Variants in BMP7 observed in about 807,000 individuals in gnomAD.
BMP7 encodes the protein osteogenic protein 1.
A neutral mutation model predicts 41.2 loss-of-function variants in BMP7; 12 were observed. The observed-to-expected ratio is 0.29, with a 90% CI of 0.19 to 0.47. The LOEUF (loss-of-function observed/expected upper bound fraction) is 0.47, where lower values mean the gene tolerates loss of function less well. Among genes scored for constraint, BMP7 ranks in the 20% least tolerant of loss-of-function variants. BMP7 has a pLI of 0.99. For synonymous variants in BMP7, 248 were observed against 250.0 expected, an observed-to-expected ratio of 0.99 and a Z score of 0.07; for missense variants, 467 against 606.0, an observed-to-expected ratio of 0.77 and a Z score of 2.41.
intron 3 of BMP7, among the ~76,000 whole-genome samples, chr20:57,193,231 A>G (rs1984418738): frequency 6.6e-6 from 1 of 152,236 alleles, no homozygotes; most frequent in Non-Finnish European, 1.5e-5. Flanking sequence ...TCCACGCCAC[A>G]AAGAACTCTC....
chr20:57,191,967 ATATAG>A (rs1984370080), intron 3 of BMP7, among the ~76,000 whole-genome samples: 2 of 127,540 alleles, frequency 1.6e-5, no homozygotes, highest in South Asian at 2.3e-4. Flanking sequence ...ATACCACATA[ATATAG>A]TATATTATAT....
At chr20:57,185,061 C>A (rs1373819028) in intron 3 of BMP7, among the ~76,000 whole-genome samples, 1 of 152,114 alleles carries the variant, frequency 6.6e-6, no homozygotes, top group Non-Finnish European at 1.5e-5. Flanking sequence ...ACTCAGGCTG[C>A]CCCTGGAGAG....
intron 1 of BMP7, among the ~76,000 whole-genome samples, chr20:57,245,400 G>A (rs553128123): frequency 6.6e-6 from 1 of 152,170 alleles, no homozygotes; most frequent in South Asian, 2.1e-4. Flanking sequence ...CAACTGGAGT[G>A]CAGTGATGTA....
intron 1 of BMP7, among the ~76,000 whole-genome samples, chr20:57,235,794 G>T (rs1357038911): frequency 2.0e-5 from 3 of 152,172 alleles, no homozygotes; most frequent in Admixed American, 2.0e-4. Flanking sequence ...TCAAGCTAAG[G>T]GGTTGATCAT....
chr20:57,178,583 A>G (rs893866623), intron 4 of BMP7, among the ~76,000 whole-genome samples: 1 of 152,114 alleles, frequency 6.6e-6, no homozygotes, highest in Admixed American at 6.5e-5. Context: ...TGGACTCTAC[A>G]GCCTGCCCTC....
chr20:57,189,584 C>T (rs928341722), intron 3 of BMP7, among the ~76,000 whole-genome samples: 2 of 152,182 alleles, frequency 1.3e-5, no homozygotes, highest in Non-Finnish European at 2.9e-5. Context: ...TCACTCTGCC[C>T]TTTACGTAAT....
At position 57,213,086 on chromosome 20, in the gene BMP7, T is replaced by A. The variant is rs949429964; in HGVS notation, c.612-10463A>T. ...GAAAAATACACAAAGAGGCACAATA[T>A]CCTCCTGCCCCAGACAGAGCTCGGG... On this transcript the variant is annotated intron_variant, in intron 2 of 6. Transcript: ENST00000395863. This position sits in a 1 kb window ranked among gnomAD's most constrained non-coding sequence, Gnocchi z 4.4. 6.6e-6 allele frequency among the ~76,000 whole-genome samples: 1 copy of A among 152,098 alleles called. No homozygotes were observed. The highest frequency in any genetic ancestry group is 1.5e-5 in the Non-Finnish European group (1 of 68,024).
At chr20:57,199,748 A>G (rs1439763487) in intron 3 of BMP7, among the ~76,000 whole-genome samples, 1 of 152,124 alleles carries the variant, frequency 6.6e-6, no homozygotes, top group Non-Finnish European at 1.5e-5. Context: ...CCAACTGGCC[A>G]TTATACACTT....
At position 57,207,827 on chromosome 20, in the gene BMP7, T is replaced by G. The variant is rs1350640420; in HGVS notation, c.612-5204A>C. On this transcript the variant is annotated intron_variant, in intron 2 of 6. Transcript: ENST00000395863. Reference sequence around the variant, plus strand: ...CCCCAGTTGGTTTTTTTTTTTTTTTTTTTTTTTTTTTTTGAGACGGAGTCT... The same window carrying G: ...CCCCAGTTGGTTTTTTTTTTTTTTTGTTTTTTTTTTTTTGAGACGGAGTCT... Among the ~76,000 whole-genome samples the G allele has an allele frequency of 2.9e-5, 4 of 140,004 alleles. No individual in the cohort carries two copies. The East Asian group carries it at 6.1e-4, about 21-fold the overall frequency. 91.8% of individuals were successfully genotyped at this position (140,004 alleles called of 152,430 possible). A position where few individuals can be genotyped will look rare whatever the true frequency, so the allele number is the denominator to read the frequency against.
At chr20:57,230,019 G>C (rs2066022960) in intron 1 of BMP7, among the ~76,000 whole-genome samples, 1 of 152,204 alleles carries the variant, frequency 6.6e-6, no homozygotes, top group Non-Finnish European at 1.5e-5. Flanking sequence ...TGGGGTCTCT[G>C]GCTGGGCACA....
Position 57,168,846 on chromosome 20 carries a change from A to G in BMP7, c.*2113T>C, listed in dbSNP as rs924702356. 6.6e-6 allele frequency: 1 copy of G among 152,148 alleles called. No homozygotes were observed. The highest frequency in any genetic ancestry group is 1.5e-5 in the Non-Finnish European group (1 of 68,032). 9.4% of individuals were successfully genotyped at this position (152,148 alleles called of 1,614,324 possible). On this transcript the variant is annotated 3_prime_UTR_variant, in exon 7 of 7. Transcript: ENST00000395863. ...TTCACTAAGGACTGCTCGACGCAAC[A>G]GCTGTGAGTACATTGGTCCAACCAT...
chr20:57,256,275 A>C (rs933185847), intron 1 of BMP7, among the ~76,000 whole-genome samples: 4 of 152,260 alleles, frequency 2.6e-5, no homozygotes, highest in African/African-American at 9.6e-5. Flanking sequence ...AAATATCTGC[A>C]TAATTGACAG....
At chr20:57,238,661 CT>C (rs1351062237) in intron 1 of BMP7, among the ~76,000 whole-genome samples, 1 of 151,744 alleles carries the variant, frequency 6.6e-6, no homozygotes, top group Non-Finnish European at 1.5e-5. Flanking sequence ...CTGTATTAGT[CT>C]GTTTTCATGC....
intron 3 of BMP7, among the ~76,000 whole-genome samples, chr20:57,201,297 GA>G (rs1984613436): frequency 2.6e-5 from 4 of 152,352 alleles, no homozygotes; most frequent in Admixed American, 2.6e-4. Context: ...ACAGGTTAGG[GA>G]AATTGTCCAA....
intron 1 of BMP7, among the ~76,000 whole-genome samples, chr20:57,262,535 C>T (rs1329289249): frequency 2.0e-5 from 3 of 152,190 alleles, no homozygotes; most frequent in Admixed American, 6.5e-5. Context: ...ATTCCAAGAA[C>T]GACTTATAGG....
intron 2 of BMP7, among the ~76,000 whole-genome samples, chr20:57,210,727 C>T (rs771859184): frequency 2.9e-4 from 44 of 152,244 alleles, no homozygotes; most frequent in Admixed American, 3.3e-4. Context: ...GTCTCGTTAC[C>T]TGGGACAGTC....
rs762182367 is a variant in BMP7, at chr20:57,183,813, G to A, written c.867C>T (p.Arg289=). Residue 289 remains arginine, a synonymous_variant, in exon 4 of 7, where the codon CGC becomes CGT. Transcript: ENST00000395863. ...AFFKATEVHF[R]SIRSTGSKQR... ...GTTTGCTCCCCGTGGACCGGATGCT[G>A]CGGAAGTGGACCTCCGTGGCCTTGA... The A allele has an allele frequency of 1.1e-5, 18 of 1,614,098 alleles. No homozygotes were observed. The Admixed American group carries it at 1.2e-4, about 10-fold the overall frequency.
chr20:57,190,261 G>A (rs1984320663), intron 3 of BMP7, among the ~76,000 whole-genome samples: 1 of 150,562 alleles, frequency 6.6e-6, no homozygotes, highest in African/African-American at 2.5e-5. Flanking sequence ...CAGAGGAGGT[G>A]AGGCTGGAGA....
intron 2 of BMP7, among the ~76,000 whole-genome samples, chr20:57,216,135 G>A (rs766007278): frequency 4.5e-4 from 68 of 152,074 alleles, no homozygotes; most frequent in Non-Finnish European, 7.8e-4. Flanking sequence ...TCCTGAAGCC[G>A]GGGGGGTCCA....
Sources: gnomAD v4.1 joint callset for allele counts (sites outside exome capture counted in the v4.1 genomes callset) on GRCh38, gnomAD v4.1.1 for gene constraint, Gnocchi (gnomAD v3.1) non-coding constraint, MANE v1.5 for transcripts, NCBI Gene and HGNC (gene_info 2026-07-23, HGNC 2026-07-21) for gene names.